SLIT3: variants seen among roughly 807,000 people sequenced by gnomAD.
The protein encoded by SLIT3 is slit homolog 3 protein.
SLIT3 carries 68 observed loss-of-function variants against 184.0 expected under a neutral mutation model. The observed-to-expected ratio is 0.37, with a 90% CI of 0.30 to 0.45. The LOEUF (loss-of-function observed/expected upper bound fraction) is 0.45. Among genes scored for constraint, SLIT3 ranks in the 20% least tolerant of loss-of-function variants. SLIT3 has a pLI of 1.00. For synonymous variants in SLIT3, 831 were observed against 828.6 expected (o/e 1.00, Z -0.05); for missense variants, 1,707 against 2,026.0 (o/e 0.84, Z 3.02).
At chr5:168,891,255 G>T (rs1414845346) in intron 4 of SLIT3, among the ~76,000 whole-genome samples, 3 of 152,206 alleles carry the variant, frequency 2.0e-5, no homozygotes, top group Non-Finnish European at 4.4e-5. Flanking sequence ...CAAAATGCCT[G>T]TGGGATAGGC....
intron 4 of SLIT3, among the ~76,000 whole-genome samples, chr5:169,135,397 C>G (rs1391685294): frequency 6.6e-6 from 1 of 150,516 alleles, no homozygotes. Flanking sequence ...CATACGTGAG[C>G]CACCACACCC....
In SLIT3 at chr5:169,098,419, C is replaced by T. The variant is rs571367037; in HGVS notation, c.413+95060G>A. Among the ~76,000 whole-genome samples the T allele has an allele frequency of 3.3e-5, 5 of 152,308 alleles. No homozygotes were observed. In the South Asian group the frequency reaches 1.0e-3, roughly 32 times the overall value. On this transcript the variant is annotated intron_variant, in intron 4 of 35. Transcript: ENST00000519560. ...GATGCAGAAGGTTTTGGCTCCCAAGCCCACAGCCTAAGGAGAGATGATTTT... is the reference window on the plus strand; with the variant it reads ...GATGCAGAAGGTTTTGGCTCCCAAGTCCACAGCCTAAGGAGAGATGATTTT...
At chr5:169,085,892 TG>T (rs1379266593) in intron 4 of SLIT3, among the ~76,000 whole-genome samples, 1 of 152,168 alleles carries the variant, frequency 6.6e-6, no homozygotes, top group Admixed American at 6.5e-5. Flanking sequence ...CTTTCAAAGC[TG>T]GTCCAACGTT....
At chr5:168,928,590 T>C (rs150264091) in intron 4 of SLIT3, among the ~76,000 whole-genome samples, 3 of 152,340 alleles carry the variant, frequency 2.0e-5, no homozygotes, top group Non-Finnish European at 4.4e-5. Context: ...CCTGCCTCTT[T>C]GTGTATGTGC....
rs918049250 is a variant in SLIT3 at position 169,245,898 on chromosome 5, T to C, written c.270-1122A>G. On this transcript the variant is annotated intron_variant, in intron 2 of 35. Transcript: ENST00000519560. ...CCACTATGCCTAAGGAGCAAGAAGA[T>C]AGACATTCTGTCCATCATCCTACTC... is the stretch of plus-strand genomic sequence containing the variant. Among the ~76,000 whole-genome samples the C allele has an allele frequency of 5.3e-5, 8 of 152,206 alleles. No homozygotes were observed. The South Asian group carries it at 6.2e-4, about 12-fold the overall frequency.
intron 4 of SLIT3, among the ~76,000 whole-genome samples, chr5:169,100,293 C>T (rs1759959715): frequency 6.6e-6 from 1 of 152,076 alleles, no homozygotes; most frequent in African/African-American, 2.4e-5. Flanking sequence ...CAGCAAAAAG[C>T]CCTGGACTTA....
At chr5:168,823,410 G>T in intron 6 of SLIT3, 79 bp from the exon 7 acceptor site, 3 of 1,039,512 alleles carry the variant, frequency 2.9e-6, no homozygotes, top group South Asian at 1.3e-5. Context: ...GGTCGGGGGA[G>T]GGATGGTTGT....
chr5:168,741,242 G>T (rs879616412), intron 20 of SLIT3, among the ~76,000 whole-genome samples: 4 of 152,048 alleles, frequency 2.6e-5, no homozygotes, highest in Non-Finnish European at 2.9e-5. Flanking sequence ...AGGCCGAGGC[G>T]GGCGGATCAC....
chr5:168,881,613 G>A (rs913363897), intron 5 of SLIT3, among the ~76,000 whole-genome samples: 1 of 152,144 alleles, frequency 6.6e-6, no homozygotes, highest in Non-Finnish European at 1.5e-5. Flanking sequence ...ATACCCTGAC[G>A]TTCTGGCAGG....
intron 19 of SLIT3, 33 bp from the exon 20 acceptor site, chr5:168,748,467 G>A (rs770401320): frequency 2.0e-6 from 3 of 1,504,510 alleles, no homozygotes; most frequent in Admixed American, 2.7e-5. Flanking sequence ...TGAGGGTTGT[G>A]GGAGATAAGC....
chr5:168,954,271 G>C (rs1394331408), intron 4 of SLIT3, among the ~76,000 whole-genome samples: 1 of 152,230 alleles, frequency 6.6e-6, no homozygotes, highest in South Asian at 2.1e-4. Flanking sequence ...GGGGAGCACA[G>C]ATAATGGACA....
At chr5:169,208,957 G>T (rs945363785) in intron 3 of SLIT3, among the ~76,000 whole-genome samples, 1 of 152,170 alleles carries the variant, frequency 6.6e-6, no homozygotes, top group Non-Finnish European at 1.5e-5. Context: ...TGACAAATGG[G>T]ATCTAATTAA....
At position 168,664,990 on chromosome 5, in the gene SLIT3, A is replaced by C. The variant is rs1760989533; in HGVS notation, c.*1464T>G. 1 of 152,254 alleles carries C rather than the reference A, an allele frequency of 6.6e-6. No homozygotes were observed. The highest frequency in any genetic ancestry group is 6.5e-5 in the Admixed American group (1 of 15,278). The allele number at this position is 152,254 out of a possible 1,614,324, so 9.4% of individuals were successfully genotyped here. On this transcript the variant is annotated 3_prime_UTR_variant, in exon 36 of 36. Transcript: ENST00000519560. The stretch of plus-strand genomic sequence containing the variant: ...TGAGCAAGGCAGAACAAGAGCAGGA[A>C]AAAACATCATATTATTTCCTTTTCC...
intron 5 of SLIT3, among the ~76,000 whole-genome samples, chr5:168,873,987 A>T (rs1320362176): frequency 1.3e-5 from 2 of 152,222 alleles, no homozygotes; most frequent in Non-Finnish European, 2.9e-5. Context: ...ATCACCAGGC[A>T]AAGACTCAGT....
chr5:169,102,703 T>A (rs1023023552), intron 4 of SLIT3, among the ~76,000 whole-genome samples: 2 of 152,096 alleles, frequency 1.3e-5, no homozygotes, highest in African/African-American at 4.8e-5. Flanking sequence ...AGGGGGAGAT[T>A]TATCATTAGG....
intron 4 of SLIT3, among the ~76,000 whole-genome samples, chr5:168,913,951 C>G (rs1761349588): frequency 6.6e-6 from 1 of 152,148 alleles, no homozygotes; most frequent in Non-Finnish European, 1.5e-5. Context: ...AATATACACA[C>G]TGTTCTACAT....
chr5:169,290,851 TGCTAGGGCATAC>T (rs1767341531), intron 1 of SLIT3, among the ~76,000 whole-genome samples: 1 of 150,852 alleles, frequency 6.6e-6, no homozygotes, highest in African/African-American at 2.4e-5. Flanking sequence ...CTAGGGCACA[TGCTAGGGCATAC>T]GCTAGGGTGT....
rs577460453 is a variant in SLIT3 at position 169,129,819 on chromosome 5, T to C, written c.413+63660A>G. ...AATATACAAATGCCAGTTTCTTTGG[T>C]GGTTTTTTTTGTTTGTTTGTTTGTT... On this transcript the variant is annotated intron_variant, in intron 4 of 35. Transcript: ENST00000519560. Among the ~76,000 whole-genome samples, 4 of 150,430 alleles carry C rather than the reference T, an allele frequency of 2.7e-5. No homozygotes were observed. The South Asian group carries it at 8.4e-4, about 32-fold the overall frequency.
At chr5:169,258,091 C>G (rs1023893970) in intron 1 of SLIT3, among the ~76,000 whole-genome samples, 1 of 152,056 alleles carries the variant, frequency 6.6e-6, no homozygotes, top group South Asian at 2.1e-4. Context: ...TTAGTTTCCC[C>G]CATCCCCACC....
Sources: allele counts gnomAD v4.1 joint callset (sites outside exome capture counted in the v4.1 genomes callset), GRCh38; gene constraint gnomAD v4.1.1; transcripts MANE v1.5; gene names NCBI Gene and HGNC (gene_info 2026-07-23, HGNC 2026-07-21).